The following KCNG2 variants were observed in gnomAD, a reference collection of about 807,000 sequenced individuals.
The protein encoded by KCNG2 is voltage-gated potassium channel regulatory subunit KCNG2.
KCNG2 carries 7 observed loss-of-function variants against 12.3 expected under a neutral mutation model. The observed-to-expected ratio is 0.57, with a 90% confidence interval of 0.32 to 1.07. The LOEUF (loss-of-function observed/expected upper bound fraction) is 1.07. Ranked by LOEUF, KCNG2 falls within the 50% of genes least tolerant of loss-of-function variation. The pLI is 0.04. For synonymous variants in KCNG2, 414 were observed against 351.4 expected (o/e 1.18, Z -1.99); for missense variants, 703 against 726.0 (o/e 0.97, Z 0.36).
intron 3 of KCNG2, among the ~76,000 whole-genome samples, chr18:79,864,824 G>T (rs1209191329): frequency 1.1e-4 from 13 of 119,708 alleles, no homozygotes; most frequent in Middle Eastern, 5.3e-3. Context: ...GAGAGGTCTG[G>T]GTGCCGAGGT....
intron 1 of KCNG2, among the ~76,000 whole-genome samples, chr18:79,848,385 G>A (rs925198031): frequency 3.3e-5 from 5 of 152,176 alleles, no homozygotes; most frequent in Non-Finnish European, 7.3e-5. Flanking sequence ...TCTCTGAACC[G>A]CTGGGGAGGG....
intron 3 of KCNG2, 91 bp downstream of exon 3, chr18:79,864,382 G>A (rs1380448024): frequency 9.4e-7 from 1 of 1,068,816 alleles, no homozygotes; most frequent in South Asian, 2.3e-5. Flanking sequence ...GAAGGGGCGC[G>A]GGGGCAGCCA....
At chr18:79,888,837 G>A (rs967628038) in intron 3 of KCNG2, among the ~76,000 whole-genome samples, 1 of 151,834 alleles carries the variant, frequency 6.6e-6, no homozygotes, top group Non-Finnish European at 1.5e-5. Context: ...ACCACGCCCA[G>A]CTATTTTTTT....
intron 1 of KCNG2, among the ~76,000 whole-genome samples, chr18:79,819,160 T>C (rs1199202030): frequency 1.3e-5 from 2 of 152,162 alleles, no homozygotes; most frequent in African/African-American, 4.8e-5. Context: ...ATAGGACCCC[T>C]CTCACTGCTC....
In KCNG2 at chr18:79,889,710, T is replaced by C. The variant is rs1025467091; in HGVS notation, c.625-9330T>C. ...TGACATGACCTTCTCATTGGCCTAG[T>C]AGGCGTCTGTGCACATTCTGTTTAA... is the stretch of plus-strand genomic sequence containing the variant. On this transcript the variant is annotated intron_variant, in intron 3 of 3. Coordinates refer to ENST00000316249, the MANE Select transcript of KCNG2 (RefSeq NM_012283.2). Among the ~76,000 whole-genome samples the C allele has an allele frequency of 8.5e-5, 13 of 152,218 alleles. 1 individual carries two copies. The highest frequency in any genetic ancestry group is 3.1e-4 in the African/African-American group (13 of 41,460).
intron 1 of KCNG2, among the ~76,000 whole-genome samples, chr18:79,817,073 C>T (rs990714540): frequency 6.6e-6 from 1 of 151,558 alleles, no homozygotes; most frequent in Non-Finnish European, 1.5e-5. Context: ...ACAGCTGTCA[C>T]ACGGCTGCCA....
rs887779068 is a variant in KCNG2 at position 79,836,863 on chromosome 18, T to A, written c.-114-19516T>A. ...ATGAGGATGACAATTCAAGCTGAGA[T>A]TTGAGTAGAGACACAGAGCCTAACC... is the stretch of plus-strand genomic sequence containing the variant. On this transcript the variant is annotated intron_variant, in intron 1 of 3. Coordinates refer to ENST00000316249, the MANE Select transcript of KCNG2 (RefSeq NM_012283.2). 1.3e-5 allele frequency among the ~76,000 whole-genome samples: 2 copies of A among 152,070 alleles called. 1 individual carries two copies. The highest frequency in any genetic ancestry group is 1.3e-4 in the Admixed American group (2 of 15,266).
chr18:79,860,110 G>A (rs1979158684), intron 2 of KCNG2, among the ~76,000 whole-genome samples: 1 of 152,170 alleles, frequency 6.6e-6, no homozygotes, highest in South Asian at 2.1e-4. Flanking sequence ...CAAGAACAAG[G>A]TTGCGGGGTA....
chr18:79,834,723 C>T (rs1978314430), intron 1 of KCNG2, among the ~76,000 whole-genome samples: 1 of 152,210 alleles, frequency 6.6e-6, no homozygotes, highest in African/African-American at 2.4e-5. Context: ...CATGCAAGCC[C>T]TGCCTCAGCT....
intron 2 of KCNG2, among the ~76,000 whole-genome samples, chr18:79,859,984 C>CT (rs1254098807): frequency 6.6e-6 from 1 of 152,180 alleles, no homozygotes; most frequent in Non-Finnish European, 1.5e-5. Flanking sequence ...GCTCATGGTT[C>CT]TTCAGGCTGT....
intron 1 of KCNG2, among the ~76,000 whole-genome samples, chr18:79,825,180 GTC>G (rs2087604186): frequency 6.6e-6 from 1 of 152,168 alleles, no homozygotes; most frequent in South Asian, 2.1e-4. Context: ...AGTTTTTGGT[GTC>G]TCTGTTTCCC....
chr18:79,888,821 T>TCCA (rs1980645408), intron 3 of KCNG2, among the ~76,000 whole-genome samples: 1 of 151,928 alleles, frequency 6.6e-6, no homozygotes, highest in Non-Finnish European at 1.5e-5. Context: ...ATTACAGAAG[T>TCCA]CCACCACCAC....
intron 1 of KCNG2, among the ~76,000 whole-genome samples, chr18:79,821,249 A>G (rs1362895320): frequency 6.9e-6 from 1 of 144,780 alleles, no homozygotes; most frequent in Non-Finnish European, 1.5e-5. Flanking sequence ...TTATAGTTTT[A>G]TCTGTAAATT....
At chr18:79,798,656 C>T (rs2087383201) in intron 1 of KCNG2, among the ~76,000 whole-genome samples, 1 of 152,364 alleles carries the variant, frequency 6.6e-6, no homozygotes, top group African/African-American at 2.4e-5. Context: ...GACCCAGCTC[C>T]CGCAGCCGCG....
intron 3 of KCNG2, among the ~76,000 whole-genome samples, chr18:79,882,735 C>T (rs1488102139): frequency 6.6e-6 from 1 of 152,036 alleles, no homozygotes; most frequent in Non-Finnish European, 1.5e-5. Flanking sequence ...GCGAGGCTGC[C>T]ATGGAGTGGC....
chr18:79,865,727 TGTTCTGAGGTCTGGGTGCTGAGGTCTGG>T (rs1979480497), intron 3 of KCNG2, among the ~76,000 whole-genome samples: 2 of 110,772 alleles, frequency 1.8e-5, no homozygotes, highest in Non-Finnish European at 4.2e-5. Context: ...GAGAGGTCTG[TGTTCTGAGGTCTGGGTGCTGAGGTCTGG>T]GTGCTGAGAG....
intron 1 of KCNG2, among the ~76,000 whole-genome samples, chr18:79,823,891 G>GT (rs2087591529): frequency 1.3e-5 from 2 of 152,258 alleles, no homozygotes; most frequent in African/African-American, 4.8e-5. Context: ...CTTTCCATTT[G>GT]TTCATGTTTA....
At chr18:79,883,907 G>T (rs543826305) in intron 3 of KCNG2, among the ~76,000 whole-genome samples, 1 of 152,016 alleles carries the variant, frequency 6.6e-6, no homozygotes, top group Non-Finnish European at 1.5e-5. Context: ...GACTTGCACC[G>T]GCGTCCCCAC....
intron 1 of KCNG2, among the ~76,000 whole-genome samples, chr18:79,852,581 A>G (rs1038248287): frequency 6.6e-6 from 1 of 152,250 alleles, no homozygotes; most frequent in Admixed American, 6.5e-5. Context: ...GGTGCCTGGG[A>G]CCACTTGGGC....
Sources: allele counts gnomAD v4.1 joint callset (sites outside exome capture counted in the v4.1 genomes callset), GRCh38; gene constraint gnomAD v4.1.1; transcripts MANE v1.5; gene names NCBI Gene and HGNC (gene_info 2026-07-23, HGNC 2026-07-21).